USP34: variants seen among roughly 807,000 people sequenced by gnomAD.
USP34 encodes the protein ubiquitin specific peptidase 34.
Under a neutral mutation model 460.3 loss-of-function variants are expected in USP34, and 70 were observed. The ratio of observed to expected loss-of-function variants is 0.15; its 90% confidence interval spans 0.13 to 0.19. The LOEUF (loss-of-function observed/expected upper bound fraction) is 0.19, where lower values mean the gene tolerates loss of function less well. Among genes scored for constraint, USP34 ranks in the 10% least tolerant of loss-of-function variants. The probability of loss-of-function intolerance (pLI) is 1.00; values close to 1 mark genes in which losing one functional copy is unlikely to be tolerated. For missense variants in USP34, 3,985 were observed against 4,236.2 expected (o/e 0.94, Z 1.65); for synonymous variants, 1,647 against 1,405.3 (o/e 1.17, Z -3.85).
Position 61,446,593 on chromosome 2 carries a change from C to G in USP34, c.43+24057G>C, listed in dbSNP as rs905777673. On this transcript the variant is annotated intron_variant, in intron 1 of 79. Coordinates refer to ENST00000398571, the MANE Select transcript of USP34 (RefSeq NM_014709.4). ...GGCAGATCACTTAAAGTCAGGAGCT[C>G]GAGACCAGCCTGGCCAACATGGTGA... Among the ~76,000 whole-genome samples the G allele has an allele frequency of 3.3e-5, 5 of 151,886 alleles. No individual in the cohort carries two copies. In the East Asian group the frequency reaches 5.8e-4, roughly 18 times the overall value.
In USP34 at chr2:61,295,163, A is replaced by C; in HGVS notation, c.4377+5T>G. 1 of 1,605,272 alleles carries C rather than the reference A, an allele frequency of 6.2e-7. No homozygotes were observed. The highest frequency in any genetic ancestry group is 1.3e-5 in the African/African-American group (1 of 74,444). ...ATTTAATGATAATAATGGAAATGCA[A>C]TTACCGTAGACTCCCTCCTTATTCT... On this transcript the variant is annotated splice_donor_5th_base_variant and intron_variant, in intron 31 of 79. Coordinates refer to ENST00000398571, the MANE Select transcript of USP34 (RefSeq NM_014709.4).
chr2:61,381,347 C>CA (rs1692969361), intron 6 of USP34, among the ~76,000 whole-genome samples: 1 of 151,568 alleles, frequency 6.6e-6, no homozygotes, highest in Non-Finnish European at 1.5e-5. Flanking sequence ...TTCATTTTTT[C>CA]TTTTTTTATA....
intron 3 of USP34, among the ~76,000 whole-genome samples, chr2:61,396,013 C>T (rs947150076): frequency 3.3e-5 from 5 of 149,542 alleles, no homozygotes; most frequent in Non-Finnish European, 5.9e-5. Flanking sequence ...GCTGAAATCA[C>T]GCCATTACAC....
intron 1 of USP34, among the ~76,000 whole-genome samples, chr2:61,424,978 C>G (rs940913677): frequency 6.6e-6 from 1 of 152,178 alleles, no homozygotes; most frequent in East Asian, 1.9e-4. Context: ...TACCACCACG[C>G]CCGGCTAATT....
intron 33 of USP34, among the ~76,000 whole-genome samples, chr2:61,293,109 CAAAAT>C (rs1282302541): frequency 6.6e-6 from 1 of 151,340 alleles, no homozygotes; most frequent in Non-Finnish European, 1.5e-5. Flanking sequence ...ATGATCACAA[CAAAAT>C]AAAACAAAAA....
At chr2:61,331,406 G>A in intron 19 of USP34, 35 bp from the exon 20 acceptor site, 1 of 1,565,090 alleles carries the variant, frequency 6.4e-7, no homozygotes, top group Non-Finnish European at 8.7e-7. Context: ...ATTTTAAAGT[G>A]GGCAGGGTAA....
At position 61,293,460 on chromosome 2, in the gene USP34, T is replaced by C. The variant is rs1330287426; in HGVS notation, c.4548+4A>G. Reference sequence around the variant, plus strand: ...ACTAGTTGAAACCATAAATATGCACTTACCACAGTCCATGATTCCTGCTCT... The same window carrying C: ...ACTAGTTGAAACCATAAATATGCACCTACCACAGTCCATGATTCCTGCTCT... On this transcript the variant is annotated splice_donor_region_variant and intron_variant, in intron 33 of 79. Coordinates refer to ENST00000398571, the MANE Select transcript of USP34 (RefSeq NM_014709.4). 1 of 1,610,274 alleles carries C rather than the reference T, an allele frequency of 6.2e-7. No individual in the cohort carries two copies. Among genetic ancestry groups the C allele is most frequent in the South Asian group, 1.1e-5 (1 of 90,542 alleles).
At position 61,209,855 on chromosome 2, in the gene USP34, G is replaced by A. The variant is rs578190496; in HGVS notation, c.8841-878C>T. On this transcript the variant is annotated intron_variant, in intron 69 of 79. Coordinates refer to ENST00000398571, the MANE Select transcript of USP34 (RefSeq NM_014709.4). ...CCAAGTGGGACAAGATGTGGAGGTG[G>A]GAGACAGAGATACTGATGATCCCAA... Among the ~76,000 whole-genome samples, 3 of 152,228 alleles carry A rather than the reference G, an allele frequency of 2.0e-5. No homozygotes were observed. The East Asian group carries it at 5.8e-4, about 29-fold the overall frequency.
chr2:61,398,578 TC>T (rs1693614291), intron 3 of USP34, among the ~76,000 whole-genome samples: 1 of 1,460 alleles, frequency 6.8e-4, no homozygotes, highest in Non-Finnish European at 9.7e-4. Flanking sequence ...GAGGGGAAAG[TC>T]GGGGGAGGGA....
At chr2:61,441,075 C>G (rs910920271) in intron 1 of USP34, among the ~76,000 whole-genome samples, 9 of 150,632 alleles carry the variant, frequency 6.0e-5, no homozygotes, top group Non-Finnish European at 1.3e-4. Flanking sequence ...TTGCAGTGAG[C>G]TGAGATCGCG....
intron 1 of USP34, among the ~76,000 whole-genome samples, chr2:61,450,697 T>C (rs1159905626): frequency 1.3e-5 from 2 of 151,790 alleles, no homozygotes; most frequent in Admixed American, 6.6e-5. Flanking sequence ...CAGGAGTACA[T>C]GTAAAAAGAA....
intron 57 of USP34, among the ~76,000 whole-genome samples, chr2:61,233,445 T>C (rs559013311): frequency 2.0e-5 from 3 of 152,324 alleles, no homozygotes; most frequent in South Asian, 2.1e-4. Context: ...TGGAACTTGT[T>C]TGAACCACTC....
chr2:61,296,783 A>C lies in USP34; in HGVS notation c.4254+17T>G. On this transcript the variant is annotated intron_variant, in intron 30 of 79. Transcript: ENST00000398571. Reference sequence around the variant, plus strand: ...GGTAACAGCCTCTAGGAGAGTAAAGAGATTTTGTGGGCTCACCTGCTCATC... The same window carrying C: ...GGTAACAGCCTCTAGGAGAGTAAAGCGATTTTGTGGGCTCACCTGCTCATC... The C allele has an allele frequency of 2.5e-6, 4 of 1,607,694 alleles. No homozygotes were observed. Among genetic ancestry groups the C allele is most frequent in the South Asian group, 1.1e-5 (1 of 89,900 alleles).
Position 61,221,567 on chromosome 2 carries a change from C to T in USP34, c.7834G>A (p.Glu2612Lys), listed in dbSNP as rs1687585708. 1 of 1,613,994 alleles carries T rather than the reference C, an allele frequency of 6.2e-7. No homozygotes were observed. Among genetic ancestry groups the T allele is most frequent in the South Asian group, 1.1e-5 (1 of 91,084 alleles). The change falls in exon 66 of 80, where the codon GAG becomes AAG. Residue 2612 changes from glutamate to lysine, a missense_variant. This residue lies in a region of USP34 where 604 missense variants were observed against 684.8 expected (regional missense o/e 0.88). Transcript: ENST00000398571. The part of the protein sequence containing the change: ...PFFKLLTMLM[E>K]FAGGPPGMPP... Reference sequence around the variant, plus strand: ...ATTCCTGGAGGTCCACCAGCAAACTCCATTAGCATAGTCAACAACTTAAAG... The same window carrying T: ...ATTCCTGGAGGTCCACCAGCAAACTTCATTAGCATAGTCAACAACTTAAAG...
chr2:61,228,567 A>T lies in USP34; in HGVS notation c.7443+78T>A, dbSNP rs945500115. On this transcript the variant is annotated intron_variant, in intron 61 of 79. Coordinates refer to ENST00000398571, the MANE Select transcript of USP34 (RefSeq NM_014709.4). ...CCAGAAGGGACTTTAAAGGGTTCTA[A>T]CATCTCAGGACTTCGCACGATGCAA... 3.8e-6 allele frequency: 5 copies of T among 1,330,344 alleles called. No homozygotes were observed. In the East Asian group the frequency reaches 9.2e-5, roughly 25 times the overall value. The allele number at this position is 1,330,344 out of a possible 1,614,324, so 82.4% of individuals were successfully genotyped here.
intron 6 of USP34, among the ~76,000 whole-genome samples, chr2:61,381,474 G>C (rs183320178): frequency 3.1e-4 from 47 of 152,190 alleles, no homozygotes; most frequent in African/African-American, 9.1e-4. Flanking sequence ...TGGTAGCTGG[G>C]ACTATAGAAG....
At chr2:61,327,919 C>G (rs1326833220) in intron 20 of USP34, among the ~76,000 whole-genome samples, 1 of 152,170 alleles carries the variant, frequency 6.6e-6, no homozygotes, top group African/African-American at 2.4e-5. Context: ...CAGATTACTG[C>G]CTTAAAAGAA....
At position 61,211,929 on chromosome 2, in the gene USP34, C is replaced by T; in HGVS notation, c.8683G>A (p.Ala2895Thr). The change falls in exon 69 of 80, where the codon GCA (alanine) becomes ACA (threonine). Residue 2895 changes from alanine (A) to threonine (T), a missense_variant and splice_region_variant. Around this residue, in one of 14 missense-constraint regions of USP34, gnomAD observed 275 missense variants for 292.7 expected, o/e 0.94. Transcript: ENST00000398571. ...ATCAGGTTAAACAGTTCTTCTACTG[C>T]CTAAAAAAGCCAAATAAGCCATATG... The part of the protein sequence containing the change: ...LTPHASQYPG[A>T]VEELFNLMQL... 6.3e-7 allele frequency: 1 copy of T among 1,598,024 alleles called. No individual in the cohort carries two copies. Among genetic ancestry groups the T allele is most frequent in the Non-Finnish European group, 8.5e-7 (1 of 1,175,580 alleles).
rs1044941430 is a variant in USP34 at position 61,283,670 on chromosome 2, G to A, written c.4833-221C>T. ...CTCACTCTGTTGCCCAGGCTGGAGT[G>A]CAGTGGCATGATCATGGCTCACTGC... On this transcript the variant is annotated intron_variant, in intron 35 of 79. Transcript: ENST00000398571. Among the ~76,000 whole-genome samples, 6 of 152,198 alleles carry A rather than the reference G, an allele frequency of 3.9e-5. No homozygotes were observed. The East Asian group carries it at 1.2e-3, about 29-fold the overall frequency.
Sources: gnomAD v4.1 joint callset for allele counts (sites outside exome capture counted in the v4.1 genomes callset) on GRCh38, gnomAD v4.1.1 for gene constraint, gnomAD v4.1.1 regional missense constraint, MANE v1.5 for transcripts, NCBI Gene and HGNC (gene_info 2026-07-23, HGNC 2026-07-21) for gene names.